Variants in COL13A1 observed in about 807,000 individuals in gnomAD.
COL13A1 encodes the protein collagen type XIII alpha 1 chain, also known as collagen alpha-1(XIII) chain.
A neutral mutation model predicts 130.9 loss-of-function variants in COL13A1; 89 were observed. The observed-to-expected ratio is 0.68, with a 90% CI of 0.57 to 0.81. The LOEUF (loss-of-function observed/expected upper bound fraction) is 0.81. COL13A1 is among the 30% of genes least tolerant of loss of function. COL13A1 has a pLI of 0.00. For synonymous variants in COL13A1, 402 were observed against 341.6 expected, an observed-to-expected ratio of 1.18 and a Z score of -1.95; for missense variants, 879 against 934.6, an observed-to-expected ratio of 0.94 and a Z score of 0.78.
intron 36 of COL13A1, 75 bp from the exon 37 acceptor site, chr10:69,945,596 T>C (rs1401446358): frequency 1.3e-5 from 21 of 1,561,902 alleles, no homozygotes; most frequent in Middle Eastern, 3.3e-4. Context: ...CTGTATTTCA[T>C]ACCAAAGTAG....
At chr10:69,903,160 C>A (rs2062378074) in intron 15 of COL13A1, among the ~76,000 whole-genome samples, 1 of 152,222 alleles carries the variant, frequency 6.6e-6, no homozygotes, top group African/African-American at 2.4e-5. Context: ...AAGGGCACCT[C>A]TGATGGCTAT....
At chr10:69,916,421 C>T (rs899904101) in intron 17 of COL13A1, among the ~76,000 whole-genome samples, 1 of 152,202 alleles carries the variant, frequency 6.6e-6, no homozygotes, top group Non-Finnish European at 1.5e-5. Flanking sequence ...TAGGATTCAA[C>T]TCCCAGAGCC....
rs2064848650 is a variant in COL13A1, at chr10:69,922,759, G to C, written c.1195G>C (p.Gly399Arg). 6.2e-7 allele frequency: 1 copy of C among 1,603,212 alleles called. No homozygotes were observed. Among genetic ancestry groups the C allele is most frequent in the African/African-American group, 1.3e-5 (1 of 74,746 alleles). Residue 399 changes from glycine (G) to arginine (R), a missense_variant, in exon 23 of 41, where the codon GGC (glycine) becomes CGC (arginine). Around this residue, in one of 3 missense-constraint regions of COL13A1, gnomAD observed 715 missense variants for 721.0 expected, o/e 0.99. Coordinates refer to ENST00000645393, the MANE Select transcript of COL13A1 (RefSeq NM_001368882.1). ...CATTGGAGGAGGCAGAGGGGAACCTGGCCCTCCAGGGCTCCCTGGGCCCCC... is the reference window on the plus strand; with the variant it reads ...CATTGGAGGAGGCAGAGGGGAACCTCGCCCTCCAGGGCTCCCTGGGCCCCC... ...NSIGGGRGEPGPPGLPGPPGP... is the reference protein window; with the variant it reads ...NSIGGGRGEPRPPGLPGPPGP...
intron 1 of COL13A1, among the ~76,000 whole-genome samples, chr10:69,806,086 A>T (rs565563783): frequency 6.6e-6 from 1 of 152,352 alleles, no homozygotes; most frequent in East Asian, 1.9e-4. Context: ...GATTGGAGGC[A>T]GATCGGAGAC....
chr10:69,842,395 G>A (rs931885469), intron 2 of COL13A1, among the ~76,000 whole-genome samples: 5 of 152,048 alleles, frequency 3.3e-5, no homozygotes, highest in Non-Finnish European at 7.4e-5. Flanking sequence ...CGGTAAAAAC[G>A]GACTATTACA....
intron 37 of COL13A1, among the ~76,000 whole-genome samples, chr10:69,946,740 G>T (rs2068602550): frequency 3.3e-5 from 5 of 152,142 alleles, no homozygotes; most frequent in Admixed American, 3.3e-4. Context: ...CCAGCCACAG[G>T]CCAGGACCTG....
At position 69,887,456 on chromosome 10, in the gene COL13A1, G is replaced by T; in HGVS notation, c.514G>T (p.Gly172Cys). 6.2e-7 allele frequency: 1 copy of T among 1,612,486 alleles called. No individual in the cohort carries two copies. The highest frequency in any genetic ancestry group is 8.5e-7 in the Non-Finnish European group (1 of 1,179,366). Residue 172 changes from glycine (G) to cysteine (C), a missense_variant and splice_region_variant, in exon 8 of 41, where the codon GGT becomes TGT. Gly to Cys is a radical substitution (Grantham distance 159, BLOSUM62 -3). Coordinates refer to ENST00000645393, the MANE Select transcript of COL13A1 (RefSeq NM_001368882.1). ...LSIIGPRGPP[G>C]QPGTRGFPGF... ...GTGTCTCTTGTTTTTTTTTTTTCAG[G>T]GTCAACCAGGAACTAGAGGTTTCCC...
At chr10:69,884,801 A>G (rs2060461797) in intron 7 of COL13A1, among the ~76,000 whole-genome samples, 1 of 152,234 alleles carries the variant, frequency 6.6e-6, no homozygotes, top group African/African-American at 2.4e-5. Flanking sequence ...AGATATCAAA[A>G]TGTATTACAA....
intron 12 of COL13A1, 41 bp from the exon 13 acceptor site, chr10:69,895,509 C>T (rs767412287): frequency 6.2e-7 from 1 of 1,612,638 alleles, no homozygotes; most frequent in South Asian, 1.1e-5. Flanking sequence ...GTACCCCCAA[C>T]AAGTGCCTAA....
chr10:69,850,631 C>T (rs2133511351), intron 2 of COL13A1, among the ~76,000 whole-genome samples: 1 of 151,868 alleles, frequency 6.6e-6, no homozygotes, highest in South Asian at 2.1e-4. Context: ...GGGCTGTTGT[C>T]CTTGTGATGC....
chr10:69,947,175 T>C (rs1193425557), intron 37 of COL13A1, 132 bp from the exon 38 acceptor site: 6 of 777,642 alleles, frequency 7.7e-6, no homozygotes, highest in South Asian at 4.7e-5. Context: ...CCCCTTTCCG[T>C]GTAGTGGGAA....
chr10:69,885,943 A>G (rs1440209556), intron 7 of COL13A1, among the ~76,000 whole-genome samples: 1 of 152,126 alleles, frequency 6.6e-6, no homozygotes, highest in Non-Finnish European at 1.5e-5. Context: ...CTGTTGAACC[A>G]GCGCACCCAC....
chr10:69,895,505 C>T, intron 12 of COL13A1, 45 bp from the exon 13 acceptor site: 1 of 1,611,336 alleles, frequency 6.2e-7, no homozygotes, highest in East Asian at 2.2e-5. Context: ...ACAGGTACCC[C>T]CAACAAGTGC....
intron 3 of COL13A1, 36 bp from the exon 4 acceptor site, chr10:69,872,148 C>A: frequency 1.9e-6 from 3 of 1,613,868 alleles, no homozygotes; most frequent in Non-Finnish European, 2.5e-6. Flanking sequence ...GTTACGATAC[C>A]TGCCTGACCT....
intron 16 of COL13A1, 65 bp downstream of exon 16, chr10:69,905,024 G>C: frequency 6.6e-7 from 1 of 1,524,714 alleles, no homozygotes; most frequent in Non-Finnish European, 8.9e-7. Flanking sequence ...GGAGGGGGAG[G>C]CAGCACAGAA....
At position 69,872,285 on chromosome 10, in the gene COL13A1, G is replaced by T; in HGVS notation, c.399+75G>T. 2.5e-6 allele frequency: 4 copies of T among 1,569,882 alleles called. No homozygotes were observed. In the South Asian group the frequency reaches 3.4e-5, roughly 13 times the overall value. ...TCTCAGTCTGAGGACTGGCTAGGTT[G>T]GGTGGCTGGTTTTTCTCCAGGTGTA... On this transcript the variant is annotated intron_variant, in intron 4 of 40. Transcript: ENST00000645393.
intron 36 of COL13A1, among the ~76,000 whole-genome samples, chr10:69,944,472 A>G (rs2068147525): frequency 6.6e-6 from 1 of 152,122 alleles, no homozygotes; most frequent in Admixed American, 6.5e-5. Context: ...CCTGGACAAC[A>G]TAGCGCAACC....
intron 2 of COL13A1, chr10:69,860,809 A>G: frequency 5.0e-6 from 1 of 199,338 alleles, no homozygotes; most frequent in South Asian, 5.5e-5. Context: ...AGGGATGGTA[A>G]GGGGATCTCC....
intron 1 of COL13A1, among the ~76,000 whole-genome samples, chr10:69,808,479 T>G (rs1247648900): frequency 6.6e-6 from 1 of 151,850 alleles, no homozygotes; most frequent in Non-Finnish European, 1.5e-5. Flanking sequence ...CAGATACTAC[T>G]CATCGCTCAA....
Sources: gnomAD v4.1 joint callset for allele counts (sites outside exome capture counted in the v4.1 genomes callset) on GRCh38, gnomAD v4.1.1 for gene constraint, gnomAD v4.1.1 regional missense constraint, MANE v1.5 for transcripts, NCBI Gene and HGNC (gene_info 2026-07-23, HGNC 2026-07-21) for gene names.